DACH2: variants seen among roughly 807,000 people sequenced by gnomAD.
DACH2 encodes the protein dachshund homolog 2.
In DACH2, 17 loss-of-function variants were observed where a neutral mutation model predicts 35.8. The observed-to-expected ratio is 0.48, with a 90% confidence interval of 0.33 to 0.71. The LOEUF (loss-of-function observed/expected upper bound fraction) is 0.71. Ranked by LOEUF, DACH2 falls within the 30% of genes least tolerant of loss-of-function variation. The pLI is 0.02. For missense variants in DACH2, 469 were observed against 472.7 expected, an observed-to-expected ratio of 0.99 and a Z score of 0.07; for synonymous variants, 195 against 177.3, an observed-to-expected ratio of 1.10 and a Z score of -0.79.
intron 1 of DACH2, among the ~76,000 whole-genome samples, chrX:86,373,484 A>G (rs2035920678): frequency 9.0e-6 from 1 of 111,087 alleles, no homozygotes. Flanking sequence ...AGTCTTTGGG[A>G]GGACATTAAA....
chrX:86,218,974 G>A (rs1479521557), intron 1 of DACH2, among the ~76,000 whole-genome samples: 1 of 111,796 alleles, frequency 8.9e-6, no homozygotes, highest in Non-Finnish European at 1.9e-5. Flanking sequence ...CTAGGAAATA[G>A]TTTGAATGTC....
At chrX:86,397,518 G>T (rs1367512857) in intron 2 of DACH2, among the ~76,000 whole-genome samples, 2 of 111,425 alleles carry the variant, frequency 1.8e-5, no homozygotes, top group Non-Finnish European at 3.8e-5. Context: ...TATGATATTG[G>T]CTGTGGGTTT....
At chrX:86,601,500 G>A (rs2039788888) in intron 3 of DACH2, among the ~76,000 whole-genome samples, 3 of 111,685 alleles carry the variant, frequency 2.7e-5, no homozygotes, top group African/African-American at 9.7e-5. Flanking sequence ...GATGGCCAAT[G>A]TAGTGGCTAA....
chrX:86,537,836 T>A (rs2038824383), intron 3 of DACH2, among the ~76,000 whole-genome samples: 1 of 111,608 alleles, frequency 9.0e-6, no homozygotes, highest in African/African-American at 3.3e-5. Flanking sequence ...CTGAAACAAC[T>A]GAAGAATCAC....
intron 3 of DACH2, among the ~76,000 whole-genome samples, chrX:86,634,850 T>C (rs2148391571): frequency 8.9e-6 from 1 of 111,776 alleles, no homozygotes; most frequent in African/African-American, 3.2e-5. Context: ...GTAATCAAAA[T>C]GACAGTACTG....
At chrX:86,658,025 A>G (rs768146319) in intron 4 of DACH2, among the ~76,000 whole-genome samples, 1 of 111,763 alleles carries the variant, frequency 8.9e-6, no homozygotes, top group Non-Finnish European at 1.9e-5. Flanking sequence ...ATCAAAATAC[A>G]GATTAAAATA....
chrX:86,429,535 A>ATTTCTTTTCT (rs144228984), intron 2 of DACH2, among the ~76,000 whole-genome samples: 3,734 of 101,462 alleles, frequency 0.037, 127 homozygotes, highest in African/African-American at 0.085. Context: ...TCTAGAGTGC[A>ATTTCTTTTCT]TTTCTTTTCT....
intron 3 of DACH2, among the ~76,000 whole-genome samples, chrX:86,613,329 C>T (rs1414887932): frequency 9.0e-6 from 1 of 111,041 alleles, no homozygotes; most frequent in African/African-American, 3.3e-5. Flanking sequence ...CTAACTCTTA[C>T]CTTTCTTTTT....
chrX:86,442,355 T>TGTGTG (rs1556160330), intron 2 of DACH2, among the ~76,000 whole-genome samples: 7 of 71,338 alleles, frequency 9.8e-5, no homozygotes, highest in African/African-American at 3.9e-4. Flanking sequence ...AAGTAGTATT[T>TGTGTG]TGTGTGTGTG....
chrX:86,506,796 T>C (rs1278429392), intron 2 of DACH2, among the ~76,000 whole-genome samples: 1 of 111,860 alleles, frequency 8.9e-6, no homozygotes, highest in African/African-American at 3.3e-5. Flanking sequence ...TTAATCACAT[T>C]GGCAGAATTT....
At chrX:86,327,595 C>T (rs183888424) in intron 1 of DACH2, among the ~76,000 whole-genome samples, 26 of 101,732 alleles carry the variant, frequency 2.6e-4, no homozygotes, top group East Asian at 9.1e-4. Flanking sequence ...AAAGGTAGGA[C>T]GAAAAGTTAG....
chrX:86,427,016 T>C (rs950789258), intron 2 of DACH2, among the ~76,000 whole-genome samples: 1 of 112,085 alleles, frequency 8.9e-6, no homozygotes, highest in Admixed American at 9.5e-5. Context: ...CATCCTTTTT[T>C]GTCAGTTTTC....
intron 2 of DACH2, among the ~76,000 whole-genome samples, chrX:86,388,838 C>T: frequency 9.0e-6 from 1 of 111,382 alleles, no homozygotes. Flanking sequence ...TAACATTTTC[C>T]ACAGGTGTTG....
chrX:86,678,472 T>TAATAG (rs1365302982), intron 4 of DACH2, among the ~76,000 whole-genome samples: 2 of 112,273 alleles, frequency 1.8e-5, no homozygotes, highest in Non-Finnish European at 3.8e-5. Context: ...ACTACAGTTT[T>TAATAG]CACTTGGTAA....
chrX:86,287,023 AT>A (rs2034166027), intron 1 of DACH2, among the ~76,000 whole-genome samples: 1 of 111,064 alleles, frequency 9.0e-6, no homozygotes. Context: ...TTTGTTTCTC[AT>A]TGAAAGACTT....
At chrX:86,536,151 C>A (rs757819103) in intron 3 of DACH2, among the ~76,000 whole-genome samples, 1 of 109,938 alleles carries the variant, frequency 9.1e-6, no homozygotes, top group East Asian at 2.9e-4. Context: ...TTATAGCTTT[C>A]TTTGGGAAGA....
chrX:86,567,456 T>A (rs1569442349), intron 3 of DACH2, among the ~76,000 whole-genome samples: 2 of 110,771 alleles, frequency 1.8e-5, no homozygotes, highest in African/African-American at 6.5e-5. Context: ...GCTGCAATAA[T>A]CCCATCTTGA....
chrX:86,772,870 G>A (rs1387355598), intron 7 of DACH2, among the ~76,000 whole-genome samples: 2 of 110,931 alleles, frequency 1.8e-5, no homozygotes, highest in Admixed American at 9.7e-5. Context: ...CTTGAGGACA[G>A]TTTTTTCCTA....
intron 7 of DACH2, among the ~76,000 whole-genome samples, chrX:86,761,522 T>C (rs947773178): frequency 2.7e-5 from 3 of 111,445 alleles, no homozygotes; most frequent in Non-Finnish European, 5.6e-5. Flanking sequence ...AGAGATACCA[T>C]TTGACCCAGC....
Sources: gnomAD v4.1 joint callset for allele counts (sites outside exome capture counted in the v4.1 genomes callset) on GRCh38, gnomAD v4.1.1 for gene constraint, MANE v1.5 for transcripts, NCBI Gene and HGNC (gene_info 2026-07-23, HGNC 2026-07-21) for gene names.